Variants in GRIK1 observed in about 807,000 individuals in gnomAD.
GRIK1 encodes the protein glutamate receptor ionotropic, kainate 1.
GRIK1 carries 69 observed loss-of-function variants against 105.7 expected under a neutral mutation model. The ratio of observed to expected loss-of-function variants is 0.65; its 90% CI spans 0.54 to 0.80. The LOEUF (loss-of-function observed/expected upper bound fraction) is 0.80. GRIK1 is among the 30% of genes least tolerant of loss of function. The pLI is 0.00. For missense variants in GRIK1, 1,109 were observed against 1,167.3 expected (o/e 0.95, Z 0.73); for synonymous variants, 438 against 431.3 (o/e 1.02, Z -0.19).
intron 1 of GRIK1, among the ~76,000 whole-genome samples, chr21:29,791,996 C>A (rs79585382): frequency 6.6e-6 from 1 of 151,784 alleles, no homozygotes; most frequent in Non-Finnish European, 1.5e-5. Flanking sequence ...AATTTTTGTA[C>A]GTTAGAATTT....
chr21:29,914,618 AT>A (rs1201122551), intron 1 of GRIK1, among the ~76,000 whole-genome samples: 1 of 152,086 alleles, frequency 6.6e-6, no homozygotes, highest in Non-Finnish European at 1.5e-5. Context: ...ACAAGATAGC[AT>A]TGCATTTCTC....
intron 1 of GRIK1, among the ~76,000 whole-genome samples, chr21:29,790,160 C>A (rs980722407): frequency 6.6e-6 from 1 of 152,158 alleles, no homozygotes; most frequent in Non-Finnish European, 1.5e-5. Flanking sequence ...AGCGATTCTC[C>A]TGCCTCAGCC....
intron 7 of GRIK1, among the ~76,000 whole-genome samples, chr21:29,618,706 T>A (rs1478282495): frequency 1.3e-5 from 2 of 152,320 alleles, no homozygotes; most frequent in East Asian, 3.9e-4. Flanking sequence ...ATTAATGGCG[T>A]TCACAGCAAC....
intron 1 of GRIK1, among the ~76,000 whole-genome samples, chr21:29,840,875 A>G (rs1014244663): frequency 1.3e-5 from 2 of 152,218 alleles, no homozygotes; most frequent in African/African-American, 4.8e-5. Flanking sequence ...AAATACACAC[A>G]ACAGCTGGGA....
At chr21:29,912,141 G>A (rs2070839175) in intron 1 of GRIK1, among the ~76,000 whole-genome samples, 1 of 152,084 alleles carries the variant, frequency 6.6e-6, no homozygotes, top group Non-Finnish European at 1.5e-5. Flanking sequence ...TGACAGAGCA[G>A]GAGCATCGCC....
At chr21:29,870,986 G>T (rs940342893) in intron 1 of GRIK1, among the ~76,000 whole-genome samples, 1 of 151,976 alleles carries the variant, frequency 6.6e-6, no homozygotes, top group Non-Finnish European at 1.5e-5. Flanking sequence ...AGTTCTGGCC[G>T]TGTCACAGAT....
intron 1 of GRIK1, among the ~76,000 whole-genome samples, chr21:29,705,617 T>C (rs1240412983): frequency 3.3e-5 from 5 of 152,304 alleles, no homozygotes; most frequent in Non-Finnish European, 4.4e-5. Flanking sequence ...AGACATCAGG[T>C]TCTTGATCAG....
intron 1 of GRIK1, among the ~76,000 whole-genome samples, chr21:29,769,188 T>A (rs2065749986): frequency 6.6e-6 from 1 of 152,082 alleles, no homozygotes; most frequent in South Asian, 2.1e-4. Flanking sequence ...AATCAGAACC[T>A]GAGAACATGA....
intron 5 of GRIK1, 56 bp from the exon 6 acceptor site, chr21:29,651,347 T>A (rs2062732632): frequency 1.8e-6 from 2 of 1,132,396 alleles, no homozygotes; most frequent in African/African-American, 3.2e-5. Context: ...TCATTTTTTA[T>A]ACAAAAGAAT....
At chr21:29,917,291 A>G (rs931105598) in intron 1 of GRIK1, among the ~76,000 whole-genome samples, 2 of 152,040 alleles carry the variant, frequency 1.3e-5, no homozygotes, top group African/African-American at 2.4e-5. Context: ...AAGCCCTGTG[A>G]CTGAAATTGA....
intron 1 of GRIK1, among the ~76,000 whole-genome samples, chr21:29,715,085 C>T (rs1319002949): frequency 6.6e-6 from 1 of 152,188 alleles, no homozygotes; most frequent in Non-Finnish European, 1.5e-5. Context: ...CACTAACCAA[C>T]CTATCTCTCA....
At chr21:29,560,594 CTCCTTCCTTCCT>C (rs1406943047) in intron 15 of GRIK1, among the ~76,000 whole-genome samples, 1 of 77,838 alleles carries the variant, frequency 1.3e-5, no homozygotes. Context: ...CTTTCTTTCT[CTCCTTCCTTCCT>C]TCTTTCTTTT....
chr21:29,541,357 C>T (rs117107275), intron 16 of GRIK1, among the ~76,000 whole-genome samples: 2,844 of 152,146 alleles, frequency 0.019, 49 homozygotes, highest in Non-Finnish European at 0.03. Context: ...CAGGTTACAC[C>T]GGGCAAGGTA....
At chr21:29,571,862 G>C (rs1162744161) in intron 14 of GRIK1, among the ~76,000 whole-genome samples, 1 of 152,196 alleles carries the variant, frequency 6.6e-6, no homozygotes, top group African/African-American at 2.4e-5. Flanking sequence ...ATGAGAAAAC[G>C]TTTCTCATTA....
chr21:29,859,149 G>A (rs1199543850), intron 1 of GRIK1, among the ~76,000 whole-genome samples: 2 of 150,616 alleles, frequency 1.3e-5, no homozygotes, highest in Non-Finnish European at 3.0e-5. Flanking sequence ...ACTCATAGGT[G>A]GGAATTGAAC....
At chr21:29,596,446 C>CA (rs2061414436) in intron 9 of GRIK1, 80 bp downstream of exon 9, 2 of 921,880 alleles carry the variant, frequency 2.2e-6, no homozygotes, top group East Asian at 4.8e-5. Context: ...GGTCTGGTAA[C>CA]ATTGGAAGGG....
chr21:29,560,358 T>TCC lies in GRIK1; in HGVS notation c.2356+1265_2356+1266insGG, dbSNP rs2090390399. On this transcript the variant is annotated intron_variant, in intron 15 of 17. Transcript: ENST00000327783. ...TTCTTTCTTTCTTTCTTTCTTTCTT[T>TCC]TTCTTTCTTCCTTCCTTCCTTCCTT... Among the ~76,000 whole-genome samples, 4 of 44,244 alleles carry TCC rather than the reference T, an allele frequency of 9.0e-5. 1 individual carries two copies. Among genetic ancestry groups the TCC allele is most frequent in the African/African-American group, 3.2e-4 (3 of 9,380 alleles). 29.0% of individuals were successfully genotyped at this position (44,244 alleles called of 152,430 possible). A position where few individuals can be genotyped will look rare whatever the true frequency, so the allele number is the denominator to read the frequency against.
intron 1 of GRIK1, among the ~76,000 whole-genome samples, chr21:29,726,055 C>A (rs1328807762): frequency 2.6e-5 from 4 of 152,102 alleles, no homozygotes; most frequent in African/African-American, 9.7e-5. Flanking sequence ...GGGAAATTAG[C>A]AGAAAAGGCT....
intron 1 of GRIK1, among the ~76,000 whole-genome samples, chr21:29,776,186 C>T (rs2065939752): frequency 6.6e-6 from 1 of 152,228 alleles, no homozygotes; most frequent in South Asian, 2.1e-4. Context: ...TCCCTCCACA[C>T]ATGGGATTAT....
Sources: allele counts gnomAD v4.1 joint callset (sites outside exome capture counted in the v4.1 genomes callset), GRCh38; gene constraint gnomAD v4.1.1; transcripts MANE v1.5; gene names NCBI Gene and HGNC (gene_info 2026-07-23, HGNC 2026-07-21).